The following LIPC variants were observed in gnomAD, a reference collection of about 807,000 sequenced individuals.
The protein encoded by LIPC is hepatic triacylglycerol lipase.
A neutral mutation model predicts 50.7 loss-of-function variants in LIPC; 44 were observed. That is an observed-to-expected ratio of 0.87 (90% CI 0.68 to 1.11). The LOEUF is 1.11. Ranked by LOEUF, LIPC falls within the 50% of genes most tolerant of loss-of-function variation. LIPC has a pLI of 0.00. For missense variants in LIPC, 697 were observed against 648.2 expected, an observed-to-expected ratio of 1.08 and a Z score of -0.82; for synonymous variants, 271 against 256.4, an observed-to-expected ratio of 1.06 and a Z score of -0.54.
rs1894135569 is a variant in LIPC, at chr15:58,560,863, GTTTATCA to G, written c.1054_1060del (p.Tyr352ThrfsTer60). 2.0e-6 allele frequency: 2 copies of G among 1,019,154 alleles called. No homozygotes were observed. Among genetic ancestry groups the G allele is most frequent in the Non-Finnish European group, 3.1e-6 (2 of 634,946 alleles). The allele number at this position is 1,019,154 out of a possible 1,614,324, so 63.1% of individuals were successfully genotyped here. ...CTTTCTCTCTCTGTCTCTCTCTCTA[GTTTATCA>G]TTACCAGTTCAAGATCCAGTTCATC... is the stretch of plus-strand genomic sequence containing the variant. On this transcript the variant is annotated frameshift_variant and splice_region_variant, in exon 7 of 9. Transcript: ENST00000299022. LOFTEE classifies it high-confidence loss of function.
At chr15:58,544,942 G>A (rs1205366611) in intron 4 of LIPC, among the ~76,000 whole-genome samples, 1 of 152,180 alleles carries the variant, frequency 6.6e-6, no homozygotes, top group African/African-American at 2.4e-5. Context: ...GTCACTTGAG[G>A]CCCAGAGCTT....
chr15:58,498,626 G>C (rs1442047964), intron 1 of LIPC: 1 of 152,088 alleles, frequency 6.6e-6, no homozygotes, highest in African/African-American at 2.4e-5. Flanking sequence ...ATAAAACATT[G>C]AGAAACACTG....
intron 1 of LIPC, among the ~76,000 whole-genome samples, chr15:58,520,637 G>A (rs560702012): frequency 2.0e-5 from 3 of 152,312 alleles, no homozygotes; most frequent in African/African-American, 2.4e-5. Context: ...AGGAAATACG[G>A]AGGGCGGGGG....
rs1163670551 is a variant in LIPC at position 58,569,552 on chromosome 15, G to T, written c.*725G>T. Reference sequence around the variant, plus strand: ...CATTTGCTATGGACTGAATGTTTGAGTCACCCCAAAATTCATATGCTGAAA... The same window carrying T: ...CATTTGCTATGGACTGAATGTTTGATTCACCCCAAAATTCATATGCTGAAA... On this transcript the variant is annotated 3_prime_UTR_variant, in exon 9 of 9. Coordinates refer to ENST00000299022, the MANE Select transcript of LIPC (RefSeq NM_000236.3). 1 of 152,196 alleles carries T rather than the reference G, an allele frequency of 6.6e-6. No homozygotes were observed. The highest frequency in any genetic ancestry group is 2.4e-5 in the African/African-American group (1 of 41,454). The allele number at this position is 152,196 out of a possible 1,614,324, so 9.4% of individuals were successfully genotyped here.
intron 1 of LIPC, among the ~76,000 whole-genome samples, chr15:58,440,765 G>T (rs1893477801): frequency 6.6e-6 from 1 of 152,206 alleles, no homozygotes; most frequent in Non-Finnish European, 1.5e-5. Context: ...GGTGATATCT[G>T]AGTTGAATCT....
intron 1 of LIPC, among the ~76,000 whole-genome samples, chr15:58,446,360 A>C (rs1339952920): frequency 6.6e-6 from 1 of 152,188 alleles, no homozygotes; most frequent in Non-Finnish European, 1.5e-5. Flanking sequence ...TACTAAGGAC[A>C]TTCTCCTACA....
chr15:58,493,639 AAATTT>A (rs1891666245), intron 1 of LIPC, among the ~76,000 whole-genome samples: 1 of 146,450 alleles, frequency 6.8e-6, no homozygotes, highest in Non-Finnish European at 1.5e-5. Flanking sequence ...AATTTATACA[AAATTT>A]ATTACGTATA....
intron 1 of LIPC, among the ~76,000 whole-genome samples, chr15:58,448,048 G>A (rs1455846585): frequency 2.0e-5 from 3 of 152,162 alleles, no homozygotes; most frequent in African/African-American, 7.2e-5. Context: ...AGGGTCTTCT[G>A]GCTGTTTCTG....
intron 1 of LIPC, among the ~76,000 whole-genome samples, chr15:58,445,599 G>T (rs569174431): frequency 2.0e-5 from 3 of 152,168 alleles, no homozygotes; most frequent in Non-Finnish European, 2.9e-5. Context: ...GGGGCTCCTG[G>T]CACAGCGGAA....
At chr15:58,510,653 AAAC>A (rs1892300287) in intron 1 of LIPC, among the ~76,000 whole-genome samples, 3 of 152,368 alleles carry the variant, frequency 2.0e-5, no homozygotes, top group South Asian at 4.1e-4. Flanking sequence ...AGAAATCTCC[AAAC>A]AACAAGAGGC....
At chr15:58,438,961 C>T (rs2140636407) in intron 1 of LIPC, among the ~76,000 whole-genome samples, 1 of 152,338 alleles carries the variant, frequency 6.6e-6, no homozygotes, top group East Asian at 1.9e-4. Flanking sequence ...GAAGGAAATG[C>T]ATGGAATGCA....
At chr15:58,547,169 G>A (rs181388910) in intron 5 of LIPC, among the ~76,000 whole-genome samples, 94 of 152,298 alleles carry the variant, frequency 6.2e-4, no homozygotes, top group African/African-American at 1.5e-3. Context: ...GCTTGCCCAA[G>A]CTTGGGCTGG....
intron 1 of LIPC, among the ~76,000 whole-genome samples, chr15:58,483,055 G>T (rs1891246757): frequency 6.6e-6 from 1 of 152,132 alleles, no homozygotes; most frequent in Non-Finnish European, 1.5e-5. Context: ...TGTTGTTCAG[G>T]CTAAACTATC....
chr15:58,436,544 T>C (rs1893303563), intron 1 of LIPC: 2 of 287,060 alleles, frequency 7.0e-6, no homozygotes, highest in Admixed American at 9.4e-5. Context: ...GAGAAAGTAG[T>C]GATGATTGCT....
chr15:58,533,393 G>C (rs751525271), intron 1 of LIPC, among the ~76,000 whole-genome samples: 3 of 152,104 alleles, frequency 2.0e-5, no homozygotes, highest in Non-Finnish European at 4.4e-5. Flanking sequence ...AGATCAATTT[G>C]AATATATATG....
At chr15:58,488,044 G>A (rs1297141948) in intron 1 of LIPC, among the ~76,000 whole-genome samples, 1 of 152,246 alleles carries the variant, frequency 6.6e-6, no homozygotes, top group Non-Finnish European at 1.5e-5. Flanking sequence ...GCCAAGGCCA[G>A]TGGATCCCTC....
Position 58,541,947 on chromosome 15 carries a change from G to A in LIPC, c.436G>A (p.Ala146Thr). ...CCGCCTTGTGGGCAAGGAGGTCGCG[G>A]CTCTTCTCCGGTGGCTGGAGGTACC... ...NTRLVGKEVA[A>T]LLRWLEESVQ... Residue 146 changes from alanine to threonine, a missense_variant, in exon 3 of 9, where the codon GCT becomes ACT. Coordinates refer to ENST00000299022, the MANE Select transcript of LIPC (RefSeq NM_000236.3). 3 of 1,610,200 alleles carry A rather than the reference G, an allele frequency of 1.9e-6. No individual in the cohort carries two copies. The highest frequency in any genetic ancestry group is 2.5e-6 in the Non-Finnish European group (3 of 1,179,474).
At chr15:58,494,378 A>G (rs552649922) in intron 1 of LIPC, among the ~76,000 whole-genome samples, 1 of 152,356 alleles carries the variant, frequency 6.6e-6, no homozygotes, top group African/African-American at 2.4e-5. Context: ...GCAGGTACAG[A>G]GTATGGTGAG....
intron 4 of LIPC, among the ~76,000 whole-genome samples, chr15:58,543,334 G>C (rs973295222): frequency 2.0e-5 from 3 of 151,952 alleles, no homozygotes; most frequent in Non-Finnish European, 4.4e-5. Context: ...AACCCGGGAG[G>C]CACAGGCAAG....
Sources: gnomAD v4.1 joint callset for allele counts (sites outside exome capture counted in the v4.1 genomes callset) on GRCh38, gnomAD v4.1.1 for gene constraint, MANE v1.5 for transcripts, NCBI Gene and HGNC (gene_info 2026-07-23, HGNC 2026-07-21) for gene names.